The following SGCD variants were observed in gnomAD, a reference collection of about 807,000 sequenced individuals.
SGCD encodes the protein delta-sarcoglycan.
In SGCD, 18 loss-of-function variants were observed where a neutral mutation model predicts 36.6. The observed-to-expected ratio is 0.49, with a 90% confidence interval of 0.34 to 0.73. SGCD has a LOEUF of 0.73. SGCD is among the 30% of genes least tolerant of loss of function. The probability of loss-of-function intolerance (pLI) is 0.01; values close to 1 mark genes in which losing one functional copy is unlikely to be tolerated. For missense variants in SGCD, 387 were observed against 346.7 expected, an observed-to-expected ratio of 1.12 and a Z score of -0.92; for synonymous variants, 133 against 130.6, an observed-to-expected ratio of 1.02 and a Z score of -0.12.
At chr5:156,205,001 G>A (rs894678286) in intron 3 of SGCD, among the ~76,000 whole-genome samples, 1 of 152,040 alleles carries the variant, frequency 6.6e-6, no homozygotes, top group African/African-American at 2.4e-5. Flanking sequence ...CAATGAGATG[G>A]ACATATATTA....
At chr5:155,733,207 T>C in the SGCD span, among the ~76,000 whole-genome samples, 2 of 152,174 alleles carry the variant, frequency 1.3e-5, no homozygotes, top group Non-Finnish European at 2.9e-5. Flanking sequence ...AGCTGTGGTG[T>C]AAGAAACACC....
At chr5:155,823,062 A>ATAACTATC in the SGCD span, among the ~76,000 whole-genome samples, 1 of 145,172 alleles carries the variant, frequency 6.9e-6, no homozygotes, top group African/African-American at 2.6e-5. Context: ...CTATATCTCT[A>ATAACTATC]TATCTATCTA....
chr5:156,579,075 T>A (rs564492915), intron 4 of SGCD, among the ~76,000 whole-genome samples: 9 of 152,356 alleles, frequency 5.9e-5, no homozygotes, highest in Non-Finnish European at 1.2e-4. Context: ...CTCTACACAT[T>A]GCTTTAAATG....
intron 3 of SGCD, among the ~76,000 whole-genome samples, chr5:156,214,362 C>CA (rs1764522449): frequency 6.6e-6 from 1 of 150,422 alleles, no homozygotes; most frequent in South Asian, 2.1e-4. Flanking sequence ...AAGTAGCTAC[C>CA]AAAAAATAAA....
intron 3 of SGCD, among the ~76,000 whole-genome samples, chr5:156,257,342 C>T (rs1317896521): frequency 4.0e-5 from 6 of 151,866 alleles, no homozygotes; most frequent in Admixed American, 6.6e-5. Context: ...GGCATGGTGG[C>T]GGGTGCCTGT....
intron 1 of SGCD, among the ~76,000 whole-genome samples, chr5:155,876,023 CTT>C: frequency 6.7e-6 from 1 of 149,118 alleles, no homozygotes; most frequent in South Asian, 2.2e-4. Flanking sequence ...TTTTTTTTTT[CTT>C]GGTCCTCTTG....
chr5:156,386,830 C>A (rs1176302232), intron 3 of SGCD, among the ~76,000 whole-genome samples: 1 of 152,220 alleles, frequency 6.6e-6, no homozygotes, highest in African/African-American at 2.4e-5. Context: ...ATCTCAAGCT[C>A]ATCCCAGTAG....
At chr5:155,847,143 A>G in the SGCD span, among the ~76,000 whole-genome samples, 1 of 152,132 alleles carries the variant, frequency 6.6e-6, no homozygotes, top group Non-Finnish European at 1.5e-5. Flanking sequence ...ATGCACATGA[A>G]TGGGTACATG....
chr5:156,256,431 A>C (rs1017455933), intron 3 of SGCD, among the ~76,000 whole-genome samples: 4 of 152,086 alleles, frequency 2.6e-5, no homozygotes, highest in African/African-American at 9.7e-5. Context: ...GACAGTATCT[A>C]CTCATTTACG....
At chr5:155,844,609 A>G in the SGCD span, among the ~76,000 whole-genome samples, 1 of 152,230 alleles carries the variant, frequency 6.6e-6, no homozygotes, top group African/African-American at 2.4e-5. Flanking sequence ...CTTTACATCA[A>G]GTGTTTTCCA....
intron 3 of SGCD, among the ~76,000 whole-genome samples, chr5:156,248,615 G>A (rs73811551): frequency 0.01 from 1,537 of 152,252 alleles, 24 homozygotes; most frequent in African/African-American, 0.032. Context: ...GCTACCTCAT[G>A]CTGGGCGCTG....
In SGCD at chr5:156,596,172, G is replaced by A. The variant is rs540140181; in HGVS notation, c.502+1121G>A. 1.5e-4 allele frequency among the ~76,000 whole-genome samples: 23 copies of A among 152,232 alleles called. 1 individual carries two copies. Among genetic ancestry groups the A allele is most frequent in the African/African-American group, 4.8e-4 (20 of 41,542 alleles). ...ACAAAATAGTGCTCAGTCAACAGTA[G>A]GTGCTGCTGCTGCTGTTACTACTTA... is the stretch of plus-strand genomic sequence containing the variant. On this transcript the variant is annotated intron_variant, in intron 6 of 8. Transcript: ENST00000337851.
At chr5:156,576,583 C>G (rs551186510) in intron 4 of SGCD, among the ~76,000 whole-genome samples, 43 of 152,260 alleles carry the variant, frequency 2.8e-4, no homozygotes, top group African/African-American at 1.0e-3. Flanking sequence ...CTCTCCAGCA[C>G]TTGTTGTTTC....
chr5:155,880,825 G>T (rs1755865806), intron 1 of SGCD, among the ~76,000 whole-genome samples: 1 of 151,948 alleles, frequency 6.6e-6, no homozygotes, highest in Non-Finnish European at 1.5e-5. Context: ...CATTTCCCTT[G>T]TGGGTAAGGA....
At chr5:156,162,122 G>A (rs1427090540) in intron 3 of SGCD, among the ~76,000 whole-genome samples, 1 of 150,968 alleles carries the variant, frequency 6.6e-6, no homozygotes, top group Non-Finnish European at 1.5e-5. Context: ...TGGGGGTGGG[G>A]GTGGAGTGGA....
intron 3 of SGCD, among the ~76,000 whole-genome samples, chr5:156,293,812 A>G (rs1195960003): frequency 2.6e-5 from 4 of 152,122 alleles, no homozygotes; most frequent in African/African-American, 9.7e-5. Flanking sequence ...TTAAGGTTCC[A>G]TGTGAATTCT....
intron 6 of SGCD, among the ~76,000 whole-genome samples, chr5:156,605,750 G>T (rs987957891): frequency 6.6e-6 from 1 of 152,216 alleles, no homozygotes; most frequent in Non-Finnish European, 1.5e-5. Flanking sequence ...TCTAACTTGT[G>T]TGAGAGGGTA....
At chr5:155,874,147 A>G (rs1239599607) in intron 1 of SGCD, among the ~76,000 whole-genome samples, 1 of 152,160 alleles carries the variant, frequency 6.6e-6, no homozygotes, top group Non-Finnish European at 1.5e-5. Context: ...AGAAGGGGAT[A>G]GGAGAATTCC....
intron 3 of SGCD, among the ~76,000 whole-genome samples, chr5:156,417,791 G>A (rs1345672108): frequency 6.6e-6 from 1 of 151,942 alleles, no homozygotes; most frequent in African/African-American, 2.4e-5. Context: ...TATGAAGTTG[G>A]GGGAGGACCC....
Sources: allele counts gnomAD v4.1 joint callset (sites outside exome capture counted in the v4.1 genomes callset), GRCh38; gene constraint gnomAD v4.1.1; transcripts MANE v1.5; gene names NCBI Gene and HGNC (gene_info 2026-07-23, HGNC 2026-07-21).